Variants in PREX1 observed in about 807,000 individuals in gnomAD.
PREX1 encodes the protein phosphatidylinositol-3,4,5-trisphosphate dependent Rac exchange factor 1, also known as phosphatidylinositol 3,4,5-trisphosphate-dependent Rac exchanger 1 protein.
In PREX1, 41 loss-of-function variants were observed where a neutral mutation model predicts 198.3. The ratio of observed to expected loss-of-function variants is 0.21; its 90% CI spans 0.16 to 0.27. PREX1 has a LOEUF of 0.27. Among genes scored for constraint, PREX1 ranks in the 10% least tolerant of loss-of-function variants. The pLI, the probability that PREX1 is intolerant of heterozygous loss-of-function variation, is 1.00. For missense variants in PREX1, 1,620 were observed against 2,200.7 expected (o/e 0.74, Z 5.28); for synonymous variants, 843 against 887.2 (o/e 0.95, Z 0.89).
chr20:48,629,267 T>C (rs1005770177), intron 37 of PREX1, among the ~76,000 whole-genome samples, 182 bp downstream of exon 37: 5 of 152,204 alleles, frequency 3.3e-5, no homozygotes, highest in Admixed American at 6.5e-5. Flanking sequence ...TAGGACCACC[T>C]GCTGCTGCCA....
the PREX1 span, among the ~76,000 whole-genome samples, chr20:48,842,228 T>C: frequency 1.3e-5 from 2 of 152,034 alleles, no homozygotes; most frequent in South Asian, 2.1e-4. Context: ...GCACATAGAG[T>C]GATTTAGGCG....
intron 5 of PREX1, among the ~76,000 whole-genome samples, chr20:48,723,344 T>G (rs1328061646): frequency 2.0e-5 from 3 of 151,926 alleles, no homozygotes; most frequent in Non-Finnish European, 4.4e-5. Flanking sequence ...TCTTTGAAAA[T>G]CCACTGGAAA....
chr20:48,729,042 T>C (rs1482464093), intron 4 of PREX1, among the ~76,000 whole-genome samples: 1 of 152,080 alleles, frequency 6.6e-6, no homozygotes, highest in Non-Finnish European at 1.5e-5. Flanking sequence ...TTTCTGCCCA[T>C]GCTGCCCCCC....
intron 14 of PREX1, among the ~76,000 whole-genome samples, chr20:48,671,972 G>A (rs188815913): frequency 2.0e-5 from 3 of 152,298 alleles, no homozygotes; most frequent in South Asian, 2.1e-4. Flanking sequence ...AACAAGATGC[G>A]GGTGCCTGGG....
chr20:48,662,406 T>C (rs1191761800), intron 15 of PREX1, among the ~76,000 whole-genome samples: 1 of 152,210 alleles, frequency 6.6e-6, no homozygotes, highest in East Asian at 1.9e-4. Context: ...GGTCCGGCTT[T>C]ATAGGATAAT....
the PREX1 span, among the ~76,000 whole-genome samples, chr20:48,841,592 C>T: frequency 1.3e-5 from 2 of 152,148 alleles, no homozygotes; most frequent in Admixed American, 6.5e-5. Flanking sequence ...TAACACATTA[C>T]CTTGCCTGAA....
At chr20:48,804,871 G>A (rs1359303083) in intron 1 of PREX1, among the ~76,000 whole-genome samples, 2 of 152,198 alleles carry the variant, frequency 1.3e-5, no homozygotes, top group Non-Finnish European at 2.9e-5. Context: ...AGAGTGACTG[G>A]AAGGAGGGGG....
intron 1 of PREX1, among the ~76,000 whole-genome samples, chr20:48,786,736 C>T (rs2090313893): frequency 7.4e-6 from 1 of 135,446 alleles, no homozygotes; most frequent in Admixed American, 7.8e-5. Context: ...CAAAGCAAGA[C>T]TCTGTCAAAA....
intron 3 of PREX1, among the ~76,000 whole-genome samples, chr20:48,743,341 G>A (rs2090090998): frequency 6.6e-6 from 1 of 152,096 alleles, no homozygotes; most frequent in Non-Finnish European, 1.5e-5. Context: ...ACTGCACACT[G>A]TGGCCACTTG....
intron 1 of PREX1, among the ~76,000 whole-genome samples, chr20:48,748,085 G>C (rs1371393733): frequency 3.3e-5 from 5 of 152,116 alleles, no homozygotes; most frequent in Non-Finnish European, 2.9e-5. Context: ...CGGTCACCAG[G>C]GGTGTGCTGT....
intron 1 of PREX1, among the ~76,000 whole-genome samples, chr20:48,788,560 C>G (rs890836698): frequency 2.0e-5 from 3 of 152,166 alleles, no homozygotes; most frequent in African/African-American, 7.2e-5. Flanking sequence ...GTACGTTGAG[C>G]CCCTAGATCA....
intron 1 of PREX1, among the ~76,000 whole-genome samples, chr20:48,749,115 C>CGTCT (rs1465429969): frequency 6.6e-6 from 1 of 152,112 alleles, no homozygotes; most frequent in Admixed American, 6.5e-5. Flanking sequence ...AAAGGAGAGA[C>CGTCT]AGCAGAGTCA....
chr20:48,753,608 C>T (rs577562733), intron 1 of PREX1, among the ~76,000 whole-genome samples: 2 of 152,266 alleles, frequency 1.3e-5, no homozygotes, highest in African/African-American at 4.8e-5. Flanking sequence ...TAATTAAAAC[C>T]TAGAAAAAAA....
intron 7 of PREX1, among the ~76,000 whole-genome samples, chr20:48,699,009 G>A (rs1279056527): frequency 6.6e-6 from 1 of 152,200 alleles, no homozygotes; most frequent in African/African-American, 2.4e-5. Flanking sequence ...ACTACAAGGA[G>A]GGGCTGATCG....
rs371561294 is a variant in PREX1, at chr20:48,632,481, A to G, written c.4411+15T>C. 2.7e-4 allele frequency: 428 copies of G among 1,613,424 alleles called. No individual in the cohort carries two copies. Among genetic ancestry groups the G allele is most frequent in the Non-Finnish European group, 3.5e-4 (410 of 1,179,872 alleles). On this transcript the variant is annotated intron_variant, in intron 34 of 39. Transcript: ENST00000371941. The stretch of plus-strand genomic sequence containing the variant: ...CGGCCCCCGTGGTCCTCCCTGCCCC[A>G]GGCCTGAAGCTCACCTTTCGTGAAC...
In PREX1 at chr20:48,684,003, A is replaced by T. The variant is rs766496634; in HGVS notation, c.1335-2668T>A. 1.1e-3 allele frequency among the ~76,000 whole-genome samples: 168 copies of T among 152,134 alleles called. 1 individual carries two copies. The highest frequency in any genetic ancestry group is 1.7e-3 in the Non-Finnish European group (113 of 68,036). On this transcript the variant is annotated intron_variant, in intron 10 of 39. Coordinates refer to ENST00000371941, the MANE Select transcript of PREX1 (RefSeq NM_020820.4). This position sits in a 1 kb window ranked among gnomAD's most constrained non-coding sequence, Gnocchi z 4.2. The stretch of plus-strand genomic sequence containing the variant: ...TAGGTCCAAGCTCCCAGAAAGACAC[A>T]GCTCAGGACAGTGTGAGGAGAGCTG...
intron 5 of PREX1, among the ~76,000 whole-genome samples, chr20:48,716,305 C>T (rs2089962278): frequency 6.6e-6 from 1 of 152,214 alleles, no homozygotes; most frequent in Admixed American, 6.5e-5. Flanking sequence ...TCCCTCTCGC[C>T]CCTGCAATCA....
chr20:48,643,481 A>T (rs185697860), intron 27 of PREX1, among the ~76,000 whole-genome samples: 148 of 150,646 alleles, frequency 9.8e-4, no homozygotes, highest in African/African-American at 3.4e-3. Context: ...AAAAAATTTA[A>T]AAAAAAAAGC....
rs543148349 is a variant in PREX1 at position 48,706,524 on chromosome 20, C to T, written c.783+1736G>A. On this transcript the variant is annotated intron_variant, in intron 6 of 39. Transcript: ENST00000371941. ...AATGAAAGGGGACACCTGTATGGGGCTTCTAGAAAAGGTTTTCCTCCACCA... is the reference window on the plus strand; with the variant it reads ...AATGAAAGGGGACACCTGTATGGGGTTTCTAGAAAAGGTTTTCCTCCACCA... Among the ~76,000 whole-genome samples, 4 of 152,298 alleles carry T rather than the reference C, an allele frequency of 2.6e-5. No individual in the cohort carries two copies. In the East Asian group the frequency reaches 7.7e-4, roughly 29 times the overall value.
Sources: allele counts gnomAD v4.1 joint callset (sites outside exome capture counted in the v4.1 genomes callset), GRCh38; gene constraint gnomAD v4.1.1; non-coding constraint Gnocchi (gnomAD v3.1); transcripts MANE v1.5; gene names NCBI Gene and HGNC (gene_info 2026-07-23, HGNC 2026-07-21).